The following LRRC4C variants were observed in gnomAD, a reference collection of about 807,000 sequenced individuals.
The protein encoded by LRRC4C is leucine rich repeat containing 4C.
In LRRC4C, 5 loss-of-function variants were observed where a neutral mutation model predicts 33.6. The ratio of observed to expected loss-of-function variants is 0.15; its 90% CI spans 0.08 to 0.31. The LOEUF (loss-of-function observed/expected upper bound fraction) is 0.31, where lower values mean the gene tolerates loss of function less well. LRRC4C is among the 10% of genes least tolerant of loss of function. The pLI, the probability that LRRC4C is intolerant of heterozygous loss-of-function variation, is 1.00. For missense variants in LRRC4C, 560 were observed against 796.7 expected, an observed-to-expected ratio of 0.70 and a Z score of 3.58; for synonymous variants, 329 against 302.0, an observed-to-expected ratio of 1.09 and a Z score of -0.93.
intron 6 of LRRC4C, among the ~76,000 whole-genome samples, chr11:40,131,867 T>A (rs1234515156): frequency 6.6e-6 from 1 of 152,172 alleles, no homozygotes; most frequent in Non-Finnish European, 1.5e-5. Context: ...ATCATACAAT[T>A]AAGTTCTCTT....
At chr11:41,387,512 G>T (rs1953408017) in intron 1 of LRRC4C, among the ~76,000 whole-genome samples, 1 of 151,654 alleles carries the variant, frequency 6.6e-6, no homozygotes, top group African/African-American at 2.4e-5. Flanking sequence ...TGTGGGAAAT[G>T]AGATGGTTAT....
intron 2 of LRRC4C, among the ~76,000 whole-genome samples, chr11:40,732,059 C>CA (rs35385557): frequency 0.012 from 1,684 of 142,118 alleles, 32 homozygotes; most frequent in African/African-American, 0.035. Context: ...AAAAAAAAAC[C>CA]AAAAAAAAAA....
intron 1 of LRRC4C, among the ~76,000 whole-genome samples, chr11:41,177,723 CA>C (rs1195290595): frequency 3.3e-5 from 5 of 152,148 alleles, no homozygotes; most frequent in Admixed American, 1.3e-4. Flanking sequence ...TTAAGCACAA[CA>C]GTAATGACTT....
chr11:40,115,880 G>T lies in LRRC4C; in HGVS notation c.413C>A (p.Thr138Asn), dbSNP rs1855392831. 6.2e-7 allele frequency: 1 copy of T among 1,614,006 alleles called. No homozygotes were observed. ...GTATACAAAAGCTCCATTCGGGATG[G>T]TAGTAAGACGATTGTCAAAGAGTTC... ...TLELFDNRLTTIPNGAFVYLS... is the reference protein window; with the variant it reads ...TLELFDNRLTNIPNGAFVYLS... Residue 138 changes from threonine to asparagine, a missense_variant, in exon 7 of 7, where the codon ACC (threonine) becomes AAC (asparagine). Coordinates refer to ENST00000528697, the MANE Select transcript of LRRC4C (RefSeq NM_001258419.2). This position sits in a 1 kb window ranked among gnomAD's most constrained non-coding sequence, Gnocchi z 6.7.
intron 3 of LRRC4C, among the ~76,000 whole-genome samples, chr11:40,544,623 G>T (rs895944710): frequency 6.6e-6 from 1 of 152,006 alleles, no homozygotes; most frequent in Non-Finnish European, 1.5e-5. Flanking sequence ...TACCAAATTA[G>T]GGATGTAGAT....
chr11:40,560,925 TAATTTAAGGACAAAA>T (rs1957522549), intron 3 of LRRC4C, among the ~76,000 whole-genome samples: 1 of 152,224 alleles, frequency 6.6e-6, no homozygotes, highest in African/African-American at 2.4e-5. Context: ...TTCAGAGAGT[TAATTTAAGGACAAAA>T]AGAGATTCAA....
intron 1 of LRRC4C, among the ~76,000 whole-genome samples, chr11:41,260,538 C>T (rs1948946912): frequency 6.6e-6 from 1 of 151,472 alleles, no homozygotes; most frequent in Non-Finnish European, 1.5e-5. Flanking sequence ...CCTCTAAGAC[C>T]CACTGTTAAG....
intron 2 of LRRC4C, among the ~76,000 whole-genome samples, chr11:40,744,194 A>G (rs560976928): frequency 1.3e-5 from 2 of 152,172 alleles, no homozygotes; most frequent in South Asian, 4.1e-4. Context: ...TAGATGACAC[A>G]TAATAAACAA....
chr11:40,961,106 G>A (rs990681475), intron 1 of LRRC4C, among the ~76,000 whole-genome samples: 1 of 151,660 alleles, frequency 6.6e-6, no homozygotes, highest in Non-Finnish European at 1.5e-5. Context: ...AGGGTGGAAA[G>A]GTTAAGATGA....
chr11:41,127,958 G>C (rs564397770), intron 1 of LRRC4C, among the ~76,000 whole-genome samples: 1 of 151,984 alleles, frequency 6.6e-6, no homozygotes, highest in Non-Finnish European at 1.5e-5. Context: ...CCATTGCTTC[G>C]CAAGCCAAGG....
intron 3 of LRRC4C, among the ~76,000 whole-genome samples, chr11:40,617,817 A>ACAGT (rs1240320336): frequency 6.6e-6 from 1 of 151,656 alleles, no homozygotes; most frequent in Admixed American, 6.6e-5. Context: ...TCCCCTTTTC[A>ACAGT]CAGTCATAAG....
intron 1 of LRRC4C, among the ~76,000 whole-genome samples, chr11:40,939,713 CA>C (rs1446643987): frequency 6.6e-6 from 1 of 152,164 alleles, no homozygotes; most frequent in Admixed American, 6.6e-5. Context: ...GAGAATGCAG[CA>C]AAGTGAAGAT....
intron 2 of LRRC4C, among the ~76,000 whole-genome samples, chr11:40,806,555 C>A (rs1951259753): frequency 6.6e-6 from 1 of 152,190 alleles, no homozygotes; most frequent in South Asian, 2.1e-4. Context: ...GTCACAATGA[C>A]CCCCTCCTTT....
chr11:41,147,241 A>T lies in LRRC4C; in HGVS notation c.-495-213518T>A, dbSNP rs189567754. ...ACACAGATCTCTCACAGGAGCTCAC[A>T]CTAGGTAAAACATCCTTAGTAGGTT... On this transcript the variant is annotated intron_variant, in intron 1 of 6. Transcript: ENST00000528697. 3.2e-4 allele frequency among the ~76,000 whole-genome samples: 49 copies of T among 152,322 alleles called. 1 individual carries two copies. In the East Asian group the frequency reaches 9.1e-3, roughly 28 times the overall value.
At chr11:41,140,389 CT>C (rs2135902816) in intron 1 of LRRC4C, among the ~76,000 whole-genome samples, 1 of 117,822 alleles carries the variant, frequency 8.5e-6, no homozygotes, top group South Asian at 2.4e-4. Flanking sequence ...CCATGTTTTG[CT>C]TCACAAATGA....
chr11:40,604,964 G>A (rs1413658881), intron 3 of LRRC4C, among the ~76,000 whole-genome samples: 5 of 152,100 alleles, frequency 3.3e-5, no homozygotes, highest in African/African-American at 1.2e-4. Context: ...TAAGCAGGGA[G>A]GATATTTACT....
intron 1 of LRRC4C, among the ~76,000 whole-genome samples, chr11:40,971,976 C>T (rs1247369796): frequency 6.6e-6 from 1 of 152,136 alleles, no homozygotes; most frequent in Admixed American, 6.5e-5. Context: ...TACCCAATGC[C>T]TGTACCTCCA....
chr11:40,915,277 T>G (rs1040277208), intron 2 of LRRC4C, among the ~76,000 whole-genome samples: 5 of 152,068 alleles, frequency 3.3e-5, no homozygotes, highest in East Asian at 3.9e-4. Context: ...GAGGCATCAC[T>G]CTACCTGACT....
At chr11:41,028,885 G>A (rs1856550419) in intron 1 of LRRC4C, among the ~76,000 whole-genome samples, 1 of 151,474 alleles carries the variant, frequency 6.6e-6, no homozygotes, top group Non-Finnish European at 1.5e-5. Context: ...CTCCTCTGAT[G>A]TCCATAGAGA....
Sources: allele counts gnomAD v4.1 joint callset (sites outside exome capture counted in the v4.1 genomes callset), GRCh38; gene constraint gnomAD v4.1.1; non-coding constraint Gnocchi (gnomAD v3.1); transcripts MANE v1.5; gene names NCBI Gene and HGNC (gene_info 2026-07-23, HGNC 2026-07-21).